Variants in UBE2D2 observed in about 807,000 individuals in gnomAD.
UBE2D2 encodes the protein ubiquitin conjugating enzyme E2 D2.
Under a neutral mutation model 24.2 loss-of-function variants are expected in UBE2D2, and 2 were observed. That is an observed-to-expected ratio of 0.08 (90% CI 0.03 to 0.26). The LOEUF (loss-of-function observed/expected upper bound fraction) is 0.26. UBE2D2 is among the 10% of genes least tolerant of loss of function. The probability of loss-of-function intolerance (pLI) is 1.00; values close to 1 mark genes in which losing one functional copy is unlikely to be tolerated. For missense variants in UBE2D2, 44 were observed against 177.6 expected, an observed-to-expected ratio of 0.25 and a Z score of 4.28; for synonymous variants, 58 against 56.5, an observed-to-expected ratio of 1.03 and a Z score of -0.12.
intron 1 of UBE2D2, among the ~76,000 whole-genome samples, chr5:139,556,058 G>GA (rs1752977860): frequency 6.7e-6 from 1 of 149,084 alleles, no homozygotes; most frequent in African/African-American, 2.5e-5. Context: ...CCAACATGGA[G>GA]AAACCCCGTC....
Position 139,568,124 on chromosome 5 carries a change from A to G in UBE2D2, c.24+6309A>G, listed in dbSNP as rs562833350. On this transcript the variant is annotated intron_variant, in intron 1 of 6. Coordinates refer to ENST00000398733, the MANE Select transcript of UBE2D2 (RefSeq NM_003339.3). ...TTTGGGAGGCTGAGGCGGGCCGACC[A>G]CCTGAGGTCAGGAGTTCGAGACCAG... 9.9e-5 allele frequency among the ~76,000 whole-genome samples: 15 copies of G among 151,984 alleles called. No homozygotes were observed. The South Asian group carries it at 2.7e-3, about 27-fold the overall frequency.
In UBE2D2 at chr5:139,550,398, C is replaced by T. The variant is rs149471410; in HGVS notation, c.-64+23786C>T. Among the ~76,000 whole-genome samples the T allele has an allele frequency of 6.2e-3, 939 of 152,218 alleles. 17 individuals carry two copies. Among genetic ancestry groups the T allele is most frequent in the African/African-American group, 0.021 (867 of 41,532 alleles). ...TGCACCAATCAGCACCCTGTCAAAA[C>T]AGACCAATCAGCTGTCTGTAAAATG... On this transcript the variant is annotated intron_variant, in intron 1 of 6. Coordinates refer to the UBE2D2 transcript ENST00000511725.
chr5:139,575,477 A>T (rs1168521561), intron 1 of UBE2D2, among the ~76,000 whole-genome samples: 1 of 152,218 alleles, frequency 6.6e-6, no homozygotes, highest in South Asian at 2.1e-4. Context: ...GAAGTCTTAT[A>T]ATATTTCTAA....
At chr5:139,559,373 C>G (rs1753022950), upstream of UBE2D2, among the ~76,000 whole-genome samples, 1 of 151,570 alleles carries the variant, frequency 6.6e-6, no homozygotes, top group Non-Finnish European at 1.5e-5. Flanking sequence ...TTGCAGTGAG[C>G]CGAGATAGCG....
chr5:139,590,483 T>C (rs956222396), intron 1 of UBE2D2, among the ~76,000 whole-genome samples: 1 of 151,230 alleles, frequency 6.6e-6, no homozygotes, highest in Non-Finnish European at 1.5e-5. Flanking sequence ...AAACTAGATC[T>C]ACCTTTGTAT....
intron 5 of UBE2D2, among the ~76,000 whole-genome samples, chr5:139,623,100 G>T (rs892372373): frequency 4.0e-5 from 6 of 151,844 alleles, no homozygotes; most frequent in African/African-American, 1.5e-4. Context: ...GACTTTGGGA[G>T]GCCGAGGTGG....
At position 139,623,187 on chromosome 5, in the gene UBE2D2, A is replaced by AAAT. The variant is rs373300447; in HGVS notation, c.305-162_305-160dup. 6.9e-3 allele frequency among the ~76,000 whole-genome samples: 1,043 copies of AAAT among 151,750 alleles called. 9 individuals carry two copies. Among genetic ancestry groups the AAAT allele is most frequent in the Non-Finnish European group, 0.011 (768 of 67,904 alleles). ...ACCCCAATTCTGCTAAAAAAAAAAG[A>AAAT]AATAATAATAATAATAATAATCCTT... On this transcript the variant is annotated intron_variant, in intron 5 of 6. Coordinates refer to ENST00000398733, the MANE Select transcript of UBE2D2 (RefSeq NM_003339.3).
intron 1 of UBE2D2, among the ~76,000 whole-genome samples, chr5:139,554,645 A>G (rs1319590529): frequency 6.6e-6 from 1 of 152,208 alleles, no homozygotes; most frequent in Non-Finnish European, 1.5e-5. Flanking sequence ...ATTTGTGTAC[A>G]ACTCTTTTTG....
At chr5:139,592,250 C>T (rs1274279173) in intron 1 of UBE2D2, among the ~76,000 whole-genome samples, 1 of 152,040 alleles carries the variant, frequency 6.6e-6, no homozygotes, top group Non-Finnish European at 1.5e-5. Context: ...ACACCTTGGC[C>T]TTCTAAGTCT....
intron 1 of UBE2D2, among the ~76,000 whole-genome samples, chr5:139,580,498 G>A (rs577416556): frequency 2.3e-4 from 35 of 152,230 alleles, no homozygotes; most frequent in Non-Finnish European, 4.1e-4. Flanking sequence ...GTCTCGCTGC[G>A]TGACCCAGGC....
At chr5:139,607,954 A>G (rs769727181) in intron 2 of UBE2D2, among the ~76,000 whole-genome samples, 4 of 151,106 alleles carry the variant, frequency 2.6e-5, no homozygotes, top group African/African-American at 4.9e-5. Context: ...TTGAGGCTGC[A>G]GTGAGCCAAA....
chr5:139,554,955 C>A (rs929983193), intron 1 of UBE2D2: 4 of 152,072 alleles, frequency 2.6e-5, no homozygotes, highest in Admixed American at 6.6e-5. Flanking sequence ...AAATCTGTAA[C>A]TGGTTGTGAT....
intron 1 of UBE2D2, among the ~76,000 whole-genome samples, chr5:139,576,508 A>G (rs571719709): frequency 1.7e-3 from 253 of 152,050 alleles, no homozygotes; most frequent in African/African-American, 5.5e-3. Flanking sequence ...GAGACGGACT[A>G]CAGACACGTG....
At chr5:139,579,919 C>T (rs1258222218) in intron 1 of UBE2D2, among the ~76,000 whole-genome samples, 2 of 151,822 alleles carry the variant, frequency 1.3e-5, no homozygotes, top group Non-Finnish European at 2.9e-5. Context: ...TGGTGGCACG[C>T]GCCTGTAATC....
chr5:139,617,219 G>GA lies in UBE2D2; in HGVS notation c.304+2257dup, dbSNP rs1754437500. Among the ~76,000 whole-genome samples the GA allele has an allele frequency of 2.0e-5, 3 of 151,666 alleles. 1 individual carries two copies. The highest frequency in any genetic ancestry group is 4.8e-5 in the African/African-American group (2 of 41,266). ...AAGTATTGATCTTTACAAATATTGT[G>GA]AAAATAGGAAAATACTGTGCTTGAG... On this transcript the variant is annotated intron_variant, in intron 5 of 6. Coordinates refer to ENST00000398733, the MANE Select transcript of UBE2D2 (RefSeq NM_003339.3).
chr5:139,535,318 T>C (rs1470869991), intron 1 of UBE2D2, among the ~76,000 whole-genome samples: 1 of 147,756 alleles, frequency 6.8e-6, no homozygotes, highest in Non-Finnish European at 1.5e-5. Flanking sequence ...GAGACTTGCA[T>C]GGTGGCGGGC....
intron 2 of UBE2D2, among the ~76,000 whole-genome samples, chr5:139,610,758 G>A (rs572116629): frequency 6.6e-6 from 1 of 152,052 alleles, no homozygotes; most frequent in African/African-American, 2.4e-5. Context: ...TTGGGAGGCT[G>A]AGACAGGAGG....
At chr5:139,539,057 C>T (rs1468637832) in intron 1 of UBE2D2, among the ~76,000 whole-genome samples, 1 of 151,954 alleles carries the variant, frequency 6.6e-6, no homozygotes, top group African/African-American at 2.4e-5. Flanking sequence ...TGGCGTCTCG[C>T]TCTGTCGCCC....
At chr5:139,526,559 T>C (rs1752542415) in exon 1 of UBE2D2, 1 of 152,284 alleles carries the variant, frequency 6.6e-6, no homozygotes, top group South Asian at 2.1e-4. Context: ...ATTAACACAG[T>C]GGCTGAACAC....
Sources: gnomAD v4.1 joint callset for allele counts (sites outside exome capture counted in the v4.1 genomes callset) on GRCh38, gnomAD v4.1.1 for gene constraint, MANE v1.5 for transcripts, NCBI Gene and HGNC (gene_info 2026-07-23, HGNC 2026-07-21) for gene names.